Variants in PDE1A observed in about 807,000 individuals in gnomAD.
PDE1A encodes dual specificity calcium/calmodulin-dependent 3',5'-cyclic nucleotide phosphodiesterase 1A.
In PDE1A, 35 loss-of-function variants were observed where a neutral mutation model predicts 61.7. That is an observed-to-expected ratio of 0.57 (90% CI 0.43 to 0.75). PDE1A has a LOEUF of 0.75. Among genes scored for constraint, PDE1A ranks in the 30% least tolerant of loss-of-function variants. PDE1A has a pLI of 0.00. For synonymous variants in PDE1A, 232 were observed against 213.2 expected, an observed-to-expected ratio of 1.09 and a Z score of -0.77; for missense variants, 597 against 630.6, an observed-to-expected ratio of 0.95 and a Z score of 0.57.
At chr2:182,552,297 G>A in the PDE1A span, among the ~76,000 whole-genome samples, 2 of 152,082 alleles carry the variant, frequency 1.3e-5, no homozygotes, top group Non-Finnish European at 2.9e-5. Context: ...GTTAGCATAA[G>A]CAACTCCCCA....
chr2:182,702,419 T>G, the PDE1A span, among the ~76,000 whole-genome samples: 1 of 152,140 alleles, frequency 6.6e-6, no homozygotes, highest in Admixed American at 6.5e-5. Flanking sequence ...TATGGCTATT[T>G]ATTGGCTACA....
intron 1 of PDE1A, among the ~76,000 whole-genome samples, chr2:182,305,287 TGTTA>T (rs1695506380): frequency 6.6e-6 from 1 of 152,146 alleles, no homozygotes; most frequent in African/African-American, 2.4e-5. Flanking sequence ...CTTCCCCCGT[TGTTA>T]AGTAAGTTTT....
chr2:182,359,416 A>G (rs1699377100), intron 1 of PDE1A, among the ~76,000 whole-genome samples: 5 of 152,118 alleles, frequency 3.3e-5, no homozygotes, highest in Admixed American at 2.6e-4. Context: ...ATAACGTAAA[A>G]CTGCTTTTAG....
chr2:182,206,587 C>A (rs1687122817), intron 7 of PDE1A, among the ~76,000 whole-genome samples: 1 of 152,150 alleles, frequency 6.6e-6, no homozygotes, highest in African/African-American at 2.4e-5. Context: ...CCCTGGCAAC[C>A]ACTGATTTTT....
the PDE1A span, among the ~76,000 whole-genome samples, chr2:182,577,392 G>T: frequency 6.6e-6 from 1 of 152,194 alleles, no homozygotes; most frequent in African/African-American, 2.4e-5. Context: ...CAAATATAGA[G>T]TCTGATTAAA....
At chr2:182,364,807 A>C (rs980215518) in intron 1 of PDE1A, among the ~76,000 whole-genome samples, 2 of 152,032 alleles carry the variant, frequency 1.3e-5, no homozygotes, top group African/African-American at 2.4e-5. Context: ...GTTGGTAGAC[A>C]TTGTATTCAG....
At chr2:182,570,982 A>G in the PDE1A span, among the ~76,000 whole-genome samples, 18 of 152,216 alleles carry the variant, frequency 1.2e-4, no homozygotes, top group Non-Finnish European at 1.5e-4. Flanking sequence ...TATGGATATT[A>G]TAACAAAATC....
chr2:182,443,886 A>G (rs943011177), intron 2 of PDE1A, among the ~76,000 whole-genome samples: 2 of 151,800 alleles, frequency 1.3e-5, no homozygotes, highest in Non-Finnish European at 2.9e-5. Context: ...TATTTTTAGT[A>G]GAGATGAGGT....
chr2:182,617,417 GCTCTATGGAC>G, the PDE1A span, among the ~76,000 whole-genome samples: 1 of 152,172 alleles, frequency 6.6e-6, no homozygotes, highest in South Asian at 2.1e-4. Context: ...CCTGGCCCCT[GCTCTATGGAC>G]CTCTTCCTTT....
intron 2 of PDE1A, among the ~76,000 whole-genome samples, chr2:182,495,046 G>A (rs1469497389): frequency 2.0e-5 from 3 of 152,050 alleles, no homozygotes; most frequent in South Asian, 2.1e-4. Flanking sequence ...GGGGGTGCTC[G>A]GCACTTCCAG....
At chr2:182,335,870 T>C (rs1391243934) in intron 1 of PDE1A, among the ~76,000 whole-genome samples, 1 of 152,176 alleles carries the variant, frequency 6.6e-6, no homozygotes, top group Non-Finnish European at 1.5e-5. Context: ...TTTATCCACC[T>C]GACAATGGGC....
chr2:182,596,106 G>A, the PDE1A span, among the ~76,000 whole-genome samples: 1 of 152,210 alleles, frequency 6.6e-6, no homozygotes, highest in Non-Finnish European at 1.5e-5. Flanking sequence ...TGTTTCATAA[G>A]GGAGTATTTG....
chr2:182,162,911 A>G (rs1007845312), downstream of PDE1A, among the ~76,000 whole-genome samples: 1 of 152,172 alleles, frequency 6.6e-6, no homozygotes, highest in Non-Finnish European at 1.5e-5. Flanking sequence ...TGGTTCCCTA[A>G]CTAGTGGGTG....
chr2:182,573,384 G>A, the PDE1A span, among the ~76,000 whole-genome samples: 1 of 152,012 alleles, frequency 6.6e-6, no homozygotes, highest in African/African-American at 2.4e-5. Context: ...GATGCCATAA[G>A]GAAATCATTT....
chr2:182,626,782 CATATATATACATATATATACAT>C, the PDE1A span, among the ~76,000 whole-genome samples: 1 of 2,552 alleles, frequency 3.9e-4, no homozygotes, highest in African/African-American at 8.8e-4. Context: ...CATATATATA[CATATATATACATATATATACAT>C]ATATATATAC....
chr2:182,203,800 C>T (rs1162016776), intron 8 of PDE1A, among the ~76,000 whole-genome samples: 1 of 151,742 alleles, frequency 6.6e-6, no homozygotes, highest in Non-Finnish European at 1.5e-5. Flanking sequence ...AAACAGAAAA[C>T]ATCAGTCTTT....
chr2:182,525,815 C>T (rs1690767681), upstream of PDE1A, among the ~76,000 whole-genome samples: 1 of 152,062 alleles, frequency 6.6e-6, no homozygotes, highest in African/African-American at 2.4e-5. Flanking sequence ...TAAGCCATCA[C>T]TCAATGACAA....
At chr2:182,511,512 G>T (rs2125951911) in intron 2 of PDE1A, among the ~76,000 whole-genome samples, 1 of 152,250 alleles carries the variant, frequency 6.6e-6, no homozygotes, top group South Asian at 2.1e-4. Flanking sequence ...AGCTGGCAGG[G>T]AGAGCTTCTT....
chr2:182,279,029 G>T (rs1017087801), intron 1 of PDE1A, among the ~76,000 whole-genome samples: 1 of 151,870 alleles, frequency 6.6e-6, no homozygotes, highest in African/African-American at 2.4e-5. Context: ...GTTTCTTAGA[G>T]ACTCTTATAA....
Sources: allele counts gnomAD v4.1 joint callset (sites outside exome capture counted in the v4.1 genomes callset), GRCh38; gene constraint gnomAD v4.1.1; transcripts MANE v1.5; gene names NCBI Gene and HGNC (gene_info 2026-07-23, HGNC 2026-07-21).